The following CSMD1 variants were observed in gnomAD, a reference collection of about 807,000 sequenced individuals.
CSMD1 encodes CUB and sushi domain-containing protein 1.
Under a neutral mutation model 417.5 loss-of-function variants are expected in CSMD1, and 213 were observed. That is an observed-to-expected ratio of 0.51 (90% CI 0.46 to 0.57). The LOEUF is 0.57. CSMD1 is among the 20% of genes least tolerant of loss of function. The probability of loss-of-function intolerance (pLI) is 0.00; values close to 1 mark genes in which losing one functional copy is unlikely to be tolerated. For missense variants in CSMD1, 6,923 were observed against 4,529.7 expected, an observed-to-expected ratio of 1.53 and a Z score of -15.17; for synonymous variants, 2,862 against 1,736.8, an observed-to-expected ratio of 1.65 and a Z score of -16.11.
chr8:3,622,807 G>A lies in CSMD1; in HGVS notation c.1010-6010C>T, dbSNP rs544532118. Among the ~76,000 whole-genome samples the A allele has an allele frequency of 4.0e-5, 6 of 150,098 alleles. No homozygotes were observed. In the East Asian group the frequency reaches 5.9e-4, roughly 15 times the overall value. ...CAACTATGTATTCCATCCACACCATGAGTCATTGATTCATCTAGAAATAAA... is the reference window on the plus strand; with the variant it reads ...CAACTATGTATTCCATCCACACCATAAGTCATTGATTCATCTAGAAATAAA... On this transcript the variant is annotated intron_variant, in intron 7 of 69. Coordinates refer to ENST00000635120, the MANE Select transcript of CSMD1 (RefSeq NM_033225.6).
At chr8:4,371,489 G>A (rs1008674855) in intron 3 of CSMD1, among the ~76,000 whole-genome samples, 28 of 152,242 alleles carry the variant, frequency 1.8e-4, no homozygotes, top group African/African-American at 6.7e-4. Flanking sequence ...TAAACCTAAG[G>A]CTTCAATATT....
intron 4 of CSMD1, among the ~76,000 whole-genome samples, chr8:4,015,679 A>C (rs1319254784): frequency 6.6e-6 from 1 of 151,392 alleles, no homozygotes; most frequent in Non-Finnish European, 1.5e-5. Context: ...AAAAAAAAAA[A>C]AAAACTCAAG....
chr8:3,083,646 ATATTTTTTTT>A (rs1814301419), intron 49 of CSMD1, among the ~76,000 whole-genome samples: 2 of 16,746 alleles, frequency 1.2e-4, no homozygotes, highest in African/African-American at 4.8e-4. Flanking sequence ...ATATATATAT[ATATTTTTTTT>A]TTTTTTTTTT....
At chr8:4,408,679 G>A (rs887521688) in intron 3 of CSMD1, among the ~76,000 whole-genome samples, 16 of 152,066 alleles carry the variant, frequency 1.1e-4, no homozygotes, top group Non-Finnish European at 2.1e-4. Flanking sequence ...TCATTTTCTT[G>A]AAACCAAGAA....
At chr8:3,347,968 C>A (rs377412145) in intron 22 of CSMD1, 24 bp downstream of exon 22, 1 of 1,520,580 alleles carries the variant, frequency 6.6e-7, no homozygotes, top group South Asian at 1.3e-5. Flanking sequence ...TTGGAGTCAT[C>A]ATGTTGGAGA....
At chr8:4,226,358 C>G (rs1382587901) in intron 3 of CSMD1, among the ~76,000 whole-genome samples, 2 of 152,160 alleles carry the variant, frequency 1.3e-5, no homozygotes, top group African/African-American at 4.8e-5. Flanking sequence ...ATTTATCTGA[C>G]ATACCATTTT....
intron 3 of CSMD1, among the ~76,000 whole-genome samples, chr8:4,232,803 T>A (rs1004700707): frequency 6.6e-6 from 1 of 152,220 alleles, no homozygotes; most frequent in South Asian, 2.1e-4. Context: ...GAATGTCAGG[T>A]GCCTCGAAAT....
rs183879384 is a variant in CSMD1, at chr8:4,865,426, T to G, written c.85+128906A>C. 2.0e-5 allele frequency among the ~76,000 whole-genome samples: 3 copies of G among 152,064 alleles called. No individual in the cohort carries two copies. In the East Asian group the frequency reaches 5.8e-4, roughly 29 times the overall value. The stretch of plus-strand genomic sequence containing the variant: ...TAATATATACACAGCTTCAATAGGT[T>G]GTCATTTTCTTTCTGCCTATAACTG... On this transcript the variant is annotated intron_variant, in intron 1 of 69. Transcript: ENST00000635120.
At chr8:2,985,983 GA>G (rs1563207658) in intron 54 of CSMD1, among the ~76,000 whole-genome samples, 2 of 136,600 alleles carry the variant, frequency 1.5e-5, no homozygotes, top group African/African-American at 5.8e-5. Flanking sequence ...AGGGAAAGGG[GA>G]AGGGAAAGGG....
At chr8:4,556,738 T>C (rs905353711) in intron 2 of CSMD1, among the ~76,000 whole-genome samples, 1 of 152,164 alleles carries the variant, frequency 6.6e-6, no homozygotes, top group Non-Finnish European at 1.5e-5. Flanking sequence ...AAGATGAGCA[T>C]CGCAAAGTCG....
chr8:3,738,624 G>C (rs978435708), intron 6 of CSMD1, among the ~76,000 whole-genome samples: 1 of 152,200 alleles, frequency 6.6e-6, no homozygotes, highest in African/African-American at 2.4e-5. Flanking sequence ...TCACCACTGA[G>C]GGGACCAAGA....
intron 23 of CSMD1, among the ~76,000 whole-genome samples, chr8:3,333,466 G>C (rs1807038243): frequency 6.6e-6 from 1 of 152,184 alleles, no homozygotes; most frequent in Non-Finnish European, 1.5e-5. Flanking sequence ...GTTTTTCTCA[G>C]CTAGGTTAAC....
intron 3 of CSMD1, among the ~76,000 whole-genome samples, chr8:4,135,373 AGTG>A (rs374712648): frequency 0.6 from 76,356 of 127,668 alleles, 22,288 homozygotes; most frequent in East Asian, 0.69. Context: ...GGAAGGGGAA[AGTG>A]GGAAAGAGGG....
At chr8:3,060,257 T>C (rs1283313729) in intron 49 of CSMD1, among the ~76,000 whole-genome samples, 3 of 151,826 alleles carry the variant, frequency 2.0e-5, no homozygotes, top group South Asian at 2.1e-4. Flanking sequence ...GCGATTCTCC[T>C]GTCTCAGCCT....
intron 30 of CSMD1, among the ~76,000 whole-genome samples, chr8:3,207,267 C>G (rs1257384167): frequency 6.6e-6 from 1 of 150,842 alleles, no homozygotes; most frequent in East Asian, 1.9e-4. Flanking sequence ...TTGCCTCAGC[C>G]TCCCGAGTAG....
chr8:3,722,921 G>GTT (rs986823452), intron 6 of CSMD1, among the ~76,000 whole-genome samples: 1 of 151,956 alleles, frequency 6.6e-6, no homozygotes, highest in Non-Finnish European at 1.5e-5. Context: ...TATTGTGTGT[G>GTT]TGCCAGTTTT....
chr8:3,012,089 G>A (rs1443683286), intron 52 of CSMD1, among the ~76,000 whole-genome samples: 1 of 152,200 alleles, frequency 6.6e-6, no homozygotes. Context: ...GGAGATCCCA[G>A]TAATAACGCA....
At chr8:4,951,217 A>G (rs1338440310) in intron 1 of CSMD1, among the ~76,000 whole-genome samples, 1 of 152,126 alleles carries the variant, frequency 6.6e-6, no homozygotes, top group Non-Finnish European at 1.5e-5. Context: ...TATGGTCCAC[A>G]TTAATCCACA....
chr8:4,948,272 G>A (rs12541538), intron 1 of CSMD1, among the ~76,000 whole-genome samples: 69,210 of 151,688 alleles, frequency 0.46, 16,443 homozygotes, highest in East Asian at 0.56. Context: ...ACCATTAATG[G>A]GGTTGAATAT....
Sources: allele counts gnomAD v4.1 joint callset (sites outside exome capture counted in the v4.1 genomes callset), GRCh38; gene constraint gnomAD v4.1.1; transcripts MANE v1.5; gene names NCBI Gene and HGNC (gene_info 2026-07-23, HGNC 2026-07-21).